The following SLC35F1 variants were observed in gnomAD, a reference collection of about 807,000 sequenced individuals.
SLC35F1 encodes chromosome 6 open reading frame 169.
SLC35F1 carries 14 observed loss-of-function variants against 48.7 expected under a neutral mutation model. The observed-to-expected ratio is 0.29, with a 90% confidence interval of 0.19 to 0.45. The LOEUF is 0.45. Among genes scored for constraint, SLC35F1 ranks in the 20% least tolerant of loss-of-function variants. The probability of loss-of-function intolerance (pLI) is 1.00; values close to 1 mark genes in which losing one functional copy is unlikely to be tolerated. For synonymous variants in SLC35F1, 190 were observed against 202.2 expected (o/e 0.94, Z 0.51); for missense variants, 404 against 500.0 (o/e 0.81, Z 1.83).
chr6:118,059,081 C>A (rs1436756261), intron 1 of SLC35F1, among the ~76,000 whole-genome samples: 1 of 152,102 alleles, frequency 6.6e-6, no homozygotes, highest in Non-Finnish European at 1.5e-5. Context: ...TTATTAAGGC[C>A]AGTAAAAATG....
chr6:118,114,076 T>A (rs1039379267), intron 1 of SLC35F1, among the ~76,000 whole-genome samples: 7 of 152,142 alleles, frequency 4.6e-5, no homozygotes, highest in African/African-American at 1.7e-4. Context: ...ATCATTTAGT[T>A]TTCACAAGAG....
chr6:118,219,172 T>C lies in SLC35F1; in HGVS notation c.350-16337T>C, dbSNP rs551463456. The stretch of plus-strand genomic sequence containing the variant: ...CTTTGGAAAGTTAAAATGTCCCCAA[T>C]AGAACATGTAAATGTAGTAGAAGAT... On this transcript the variant is annotated intron_variant, in intron 2 of 7. Coordinates refer to ENST00000360388, the MANE Select transcript of SLC35F1 (RefSeq NM_001029858.4). Among the ~76,000 whole-genome samples the C allele has an allele frequency of 1.7e-4, 26 of 152,268 alleles. No homozygotes were observed. The East Asian group carries it at 2.1e-3, about 12-fold the overall frequency.
chr6:118,063,375 G>A (rs1342918168), intron 1 of SLC35F1, among the ~76,000 whole-genome samples: 2 of 151,912 alleles, frequency 1.3e-5, no homozygotes, highest in East Asian at 3.9e-4. Flanking sequence ...TCATCTCTGT[G>A]AATTTCCTAT....
intron 1 of SLC35F1, among the ~76,000 whole-genome samples, chr6:117,944,576 AAC>A (rs1413215739): frequency 8.4e-6 from 1 of 118,346 alleles, no homozygotes; most frequent in Non-Finnish European, 1.8e-5. Flanking sequence ...CCTCTCCCAA[AAC>A]ACACACATAC....
At chr6:118,235,683 A>T in intron 3 of SLC35F1, 47 bp downstream of exon 3, 1 of 1,591,416 alleles carries the variant, frequency 6.3e-7, no homozygotes, top group Non-Finnish European at 8.6e-7. Flanking sequence ...ATCCAGATGT[A>T]GTTTACTTTC....
intron 1 of SLC35F1, among the ~76,000 whole-genome samples, chr6:118,112,417 G>A (rs925025153): frequency 6.6e-6 from 1 of 152,014 alleles, no homozygotes; most frequent in African/African-American, 2.4e-5. Context: ...TACAAGCATT[G>A]TACCTAGGGT....
chr6:118,139,106 A>G (rs531903682), intron 1 of SLC35F1, among the ~76,000 whole-genome samples: 15 of 152,060 alleles, frequency 9.9e-5, no homozygotes, highest in African/African-American at 3.6e-4. Context: ...GGAGTTTAAA[A>G]CTGTCTTCTT....
intron 1 of SLC35F1, among the ~76,000 whole-genome samples, chr6:118,001,420 C>T (rs1029165910): frequency 3.3e-5 from 5 of 152,100 alleles, no homozygotes; most frequent in African/African-American, 9.7e-5. Flanking sequence ...AAACTGGATC[C>T]CTTCCTTACA....
At chr6:118,192,035 G>A (rs183190698) in intron 2 of SLC35F1, among the ~76,000 whole-genome samples, 14 of 152,172 alleles carry the variant, frequency 9.2e-5, no homozygotes, top group Non-Finnish European at 1.5e-4. Context: ...AAGCTTTAAG[G>A]ACTCAGGAAG....
At chr6:117,988,036 A>G (rs1471668069) in intron 1 of SLC35F1, among the ~76,000 whole-genome samples, 1 of 151,880 alleles carries the variant, frequency 6.6e-6, no homozygotes, top group Non-Finnish European at 1.5e-5. Flanking sequence ...GAGAGCCCAG[A>G]AAACCTACAT....
At chr6:118,312,660 AAAAG>A (rs1474235147) in intron 7 of SLC35F1, among the ~76,000 whole-genome samples, 3 of 152,330 alleles carry the variant, frequency 2.0e-5, no homozygotes, top group East Asian at 3.9e-4. Flanking sequence ...CACTACTGCA[AAAAG>A]AAAGAAAGAA....
intron 2 of SLC35F1, among the ~76,000 whole-genome samples, chr6:118,197,399 C>T (rs1288293808): frequency 6.6e-6 from 1 of 152,034 alleles, no homozygotes; most frequent in Non-Finnish European, 1.5e-5. Flanking sequence ...TTTATGCTAC[C>T]TTTATTGTAA....
Position 117,926,195 on chromosome 6 carries a change from C to T in SLC35F1, c.173+18296C>T, listed in dbSNP as rs1776025105. Among the ~76,000 whole-genome samples, 2 of 152,092 alleles carry T rather than the reference C, an allele frequency of 1.3e-5. 1 individual carries two copies. The highest frequency in any genetic ancestry group is 4.2e-4 in the South Asian group (2 of 4,816). ...GGTAATTGAATCATGAGGGTGGTTTCCGCCATGCTGTTCTCTTGGTAATGA... is the reference window on the plus strand; with the variant it reads ...GGTAATTGAATCATGAGGGTGGTTTTCGCCATGCTGTTCTCTTGGTAATGA... On this transcript the variant is annotated intron_variant, in intron 1 of 7. Transcript: ENST00000360388.
chr6:118,272,750 CATAT>C (rs71554898), intron 4 of SLC35F1, among the ~76,000 whole-genome samples: 3 of 122,580 alleles, frequency 2.4e-5, no homozygotes, highest in African/African-American at 8.7e-5. Context: ...TATATATATA[CATAT>C]ATATATATAT....
chr6:118,231,507 C>T (rs960140983), intron 2 of SLC35F1, among the ~76,000 whole-genome samples: 1 of 152,168 alleles, frequency 6.6e-6, no homozygotes. Flanking sequence ...AATCCCCAAG[C>T]TGGCTTTTCA....
At chr6:118,101,537 T>C (rs1412246448) in intron 1 of SLC35F1, among the ~76,000 whole-genome samples, 1 of 152,148 alleles carries the variant, frequency 6.6e-6, no homozygotes, top group Non-Finnish European at 1.5e-5. Context: ...TTGCAAATAA[T>C]AGGGATGGAG....
At chr6:118,083,589 C>T (rs964414458) in intron 1 of SLC35F1, among the ~76,000 whole-genome samples, 6 of 152,232 alleles carry the variant, frequency 3.9e-5, no homozygotes, top group Middle Eastern at 3.4e-3. Context: ...TTTACTAAAT[C>T]CAGTGATGCT....
chr6:118,120,214 A>G (rs1356750475), intron 1 of SLC35F1, among the ~76,000 whole-genome samples: 3 of 152,174 alleles, frequency 2.0e-5, no homozygotes, highest in African/African-American at 7.2e-5. Context: ...CAATGATACT[A>G]CAAAGAGAGT....
intron 2 of SLC35F1, among the ~76,000 whole-genome samples, chr6:118,195,555 A>G (rs2095371): frequency 5.8e-4 from 89 of 152,264 alleles, no homozygotes; most frequent in African/African-American, 2.0e-3. Context: ...GAAGGGGTAG[A>G]ACACAAAAAT....
Sources: gnomAD v4.1 joint callset for allele counts (sites outside exome capture counted in the v4.1 genomes callset) on GRCh38, gnomAD v4.1.1 for gene constraint, MANE v1.5 for transcripts, NCBI Gene and HGNC (gene_info 2026-07-23, HGNC 2026-07-21) for gene names.